The following EYS variants were observed in gnomAD, a reference collection of about 807,000 sequenced individuals.
EYS encodes the protein protein eyes shut homolog.
In EYS, 250 loss-of-function variants were observed where a neutral mutation model predicts 282.1. The ratio of observed to expected loss-of-function variants is 0.89; its 90% CI spans 0.80 to 0.98. The LOEUF is 0.98. Among genes scored for constraint, EYS ranks in the 50% least tolerant of loss-of-function variants. The pLI, the probability that EYS is intolerant of heterozygous loss-of-function variation, is 0.00. For missense variants in EYS, 4,016 were observed against 3,709.0 expected, an observed-to-expected ratio of 1.08 and a Z score of -2.15; for synonymous variants, 1,355 against 1,282.9, an observed-to-expected ratio of 1.06 and a Z score of -1.20.
chr6:64,950,811 AT>A (rs1769470878), intron 14 of EYS, among the ~76,000 whole-genome samples: 1 of 104,046 alleles, frequency 9.6e-6, no homozygotes, highest in Non-Finnish European at 2.1e-5. Flanking sequence ...ATATATATAT[AT>A]ATATATATAT....
chr6:64,107,366 C>A (rs1370021329), intron 31 of EYS, among the ~76,000 whole-genome samples: 2 of 145,378 alleles, frequency 1.4e-5, no homozygotes, highest in African/African-American at 5.1e-5. Flanking sequence ...CCCACAGTAG[C>A]CTATGTGCAA....
intron 31 of EYS, among the ~76,000 whole-genome samples, chr6:64,133,024 T>G (rs1395049387): frequency 2.6e-5 from 4 of 152,074 alleles, no homozygotes; most frequent in Non-Finnish European, 5.9e-5. Context: ...TTATATGTTT[T>G]GCATTTTACT....
chr6:65,205,619 G>T (rs1443190442), intron 12 of EYS, among the ~76,000 whole-genome samples: 1 of 151,626 alleles, frequency 6.6e-6, no homozygotes, highest in Non-Finnish European at 1.5e-5. Context: ...ATCTACACAT[G>T]GAACATTTGA....
At chr6:65,030,785 A>G (rs1229922874) in intron 13 of EYS, among the ~76,000 whole-genome samples, 1 of 152,198 alleles carries the variant, frequency 6.6e-6, no homozygotes, top group East Asian at 1.9e-4. Flanking sequence ...AAATGACAGG[A>G]TCAAATCCAC....
At position 64,018,770 on chromosome 6, in the gene EYS, T is replaced by TTTG. The variant is rs1292592099; in HGVS notation, c.6726-19588_6726-19587insCAA. ...ATGTCATCACAAGTGTTTTTTTTTT[T>TTTG]TTTTTTTTTTTTTTTTTTTGTCGAG... On this transcript the variant is annotated intron_variant, in intron 33 of 42. Coordinates refer to ENST00000503581, the MANE Select transcript of EYS (RefSeq NM_001142800.2). Among the ~76,000 whole-genome samples, 19 of 117,024 alleles carry TTTG rather than the reference T, an allele frequency of 1.6e-4. 1 individual carries two copies. Among genetic ancestry groups the TTTG allele is most frequent in the African/African-American group, 6.1e-4 (17 of 27,996 alleles). The allele number at this position is 117,024 out of a possible 152,430, so 76.8% of individuals were successfully genotyped here. A position where few individuals can be genotyped will look rare whatever the true frequency, so the allele number is the denominator to read the frequency against.
chr6:64,523,453 C>T (rs1035915746), intron 26 of EYS, among the ~76,000 whole-genome samples: 68 of 151,742 alleles, frequency 4.5e-4, no homozygotes, highest in Admixed American at 4.4e-3. Context: ...TACTCGCATA[C>T]ACAATTATTA....
intron 31 of EYS, among the ~76,000 whole-genome samples, chr6:64,186,467 A>T (rs894389149): frequency 6.6e-6 from 1 of 152,160 alleles, no homozygotes; most frequent in Non-Finnish European, 1.5e-5. Context: ...TTTTGTGCTA[A>T]GTAAGAGTAT....
intron 31 of EYS, among the ~76,000 whole-genome samples, chr6:64,126,727 G>A (rs575059597): frequency 5.3e-5 from 8 of 152,112 alleles, no homozygotes; most frequent in African/African-American, 9.6e-5. Flanking sequence ...CCTTGTCAAT[G>A]TCTGTATATA....
At chr6:64,481,414 T>C (rs1220606484) in intron 26 of EYS, among the ~76,000 whole-genome samples, 5 of 137,562 alleles carry the variant, frequency 3.6e-5, no homozygotes, top group African/African-American at 1.0e-4. Context: ...GTGAAAAAAA[T>C]ACAGAATTTT....
At chr6:64,001,357 G>T (rs1768086713) in intron 33 of EYS, among the ~76,000 whole-genome samples, 1 of 152,160 alleles carries the variant, frequency 6.6e-6, no homozygotes, top group Non-Finnish European at 1.5e-5. Context: ...AAGTTGAATT[G>T]TTCATCCACT....
intron 29 of EYS, among the ~76,000 whole-genome samples, chr6:64,346,818 G>T (rs1214608319): frequency 6.6e-6 from 1 of 151,340 alleles, no homozygotes; most frequent in East Asian, 1.9e-4. Context: ...CATGAAATAT[G>T]TAATTATAAT....
At chr6:64,486,641 T>A (rs1271829178) in intron 26 of EYS, among the ~76,000 whole-genome samples, 3 of 151,570 alleles carry the variant, frequency 2.0e-5, no homozygotes, top group African/African-American at 7.2e-5. Context: ...TCCCTGGATC[T>A]GTTTCTAAGG....
chr6:64,761,874 C>T (rs1773171657), intron 22 of EYS, among the ~76,000 whole-genome samples: 1 of 152,032 alleles, frequency 6.6e-6, no homozygotes, highest in Non-Finnish European at 1.5e-5. Flanking sequence ...TTATAGATAA[C>T]ATATGAACAC....
At chr6:64,898,814 C>G (rs761978479) in intron 18 of EYS, among the ~76,000 whole-genome samples, 1 of 151,134 alleles carries the variant, frequency 6.6e-6, no homozygotes, top group Non-Finnish European at 1.5e-5. Flanking sequence ...CAATCCTAGT[C>G]TCTGACAAAA....
chr6:65,584,330 T>G (rs930713584), intron 2 of EYS, among the ~76,000 whole-genome samples: 5 of 152,036 alleles, frequency 3.3e-5, no homozygotes, highest in Admixed American at 2.0e-4. Flanking sequence ...TGGCATCTAC[T>G]AGGTAAAATG....
intron 2 of EYS, among the ~76,000 whole-genome samples, chr6:65,605,398 A>C (rs920256668): frequency 6.6e-6 from 1 of 151,988 alleles, no homozygotes; most frequent in Non-Finnish European, 1.5e-5. Flanking sequence ...ATAAATTATA[A>C]TACACAAGGT....
At chr6:64,577,061 A>T (rs1765904612) in intron 26 of EYS, among the ~76,000 whole-genome samples, 1 of 152,116 alleles carries the variant, frequency 6.6e-6, no homozygotes, top group Admixed American at 6.6e-5. Context: ...GTCAAGAAAC[A>T]TCAAAGCTTG....
chr6:64,634,224 C>T (rs767931065), intron 22 of EYS, among the ~76,000 whole-genome samples: 3 of 152,142 alleles, frequency 2.0e-5, no homozygotes, highest in Non-Finnish European at 2.9e-5. Context: ...CCTCGTGATC[C>T]GCCTGCCTTG....
intron 12 of EYS, among the ~76,000 whole-genome samples, chr6:65,284,533 C>T (rs1768307922): frequency 6.6e-6 from 1 of 151,968 alleles, no homozygotes; most frequent in Non-Finnish European, 1.5e-5. Flanking sequence ...ATAATGAGAA[C>T]CCACCTATGC....
Sources: gnomAD v4.1 joint callset for allele counts (sites outside exome capture counted in the v4.1 genomes callset) on GRCh38, gnomAD v4.1.1 for gene constraint, MANE v1.5 for transcripts, NCBI Gene and HGNC (gene_info 2026-07-23, HGNC 2026-07-21) for gene names.